The following SFMBT1 variants were observed in gnomAD, a reference collection of about 807,000 sequenced individuals.
The protein encoded by SFMBT1 is scm-like with four MBT domains protein 1.
SFMBT1 carries 32 observed loss-of-function variants against 108.7 expected under a neutral mutation model. That is an observed-to-expected ratio of 0.29 (90% CI 0.22 to 0.40). The LOEUF is 0.40. Among genes scored for constraint, SFMBT1 ranks in the 10% least tolerant of loss-of-function variants. The pLI is 1.00. For synonymous variants in SFMBT1, 348 were observed against 369.5 expected, an observed-to-expected ratio of 0.94 and a Z score of 0.67; for missense variants, 816 against 1,059.6, an observed-to-expected ratio of 0.77 and a Z score of 3.19.
chr3:52,907,730 T>G lies in SFMBT1; in HGVS notation c.1910A>C (p.His637Pro). The G allele has an allele frequency of 1.3e-6, 2 of 1,587,878 alleles. No homozygotes were observed. The highest frequency in any genetic ancestry group is 1.7e-6 in the Non-Finnish European group (2 of 1,170,880). ...TTTATTTTTCTTCTTTCCGTAATAGTGTGCTAAATGTGGATGACAAAGAAA... is the reference window on the plus strand; with the variant it reads ...TTTATTTTTCTTCTTTCCGTAATAGGGTGCTAAATGTGGATGACAAAGAAA... Reference protein sequence around the residue: ...CSVLTKTKYTHYYGKKKNKRI... With the variant: ...CSVLTKTKYTPYYGKKKNKRI... The change falls in exon 18 of 21, where the codon CAC (histidine) becomes CCC (proline). Residue 637 changes from histidine to proline, a missense_variant. Transcript: ENST00000394752.
chr3:52,976,036 G>T (rs1042042831), intron 1 of SFMBT1, among the ~76,000 whole-genome samples: 12 of 152,110 alleles, frequency 7.9e-5, no homozygotes, highest in African/African-American at 2.9e-4. Flanking sequence ...AAAATGAAAT[G>T]CATCTAAAAG....
At chr3:52,955,368 G>A (rs565935838) in intron 2 of SFMBT1, among the ~76,000 whole-genome samples, 2 of 152,036 alleles carry the variant, frequency 1.3e-5, no homozygotes, top group South Asian at 2.1e-4. Context: ...AGCCGAGATC[G>A]TGCCAGTGCA....
intron 1 of SFMBT1, among the ~76,000 whole-genome samples, chr3:52,989,137 T>C (rs1436270206): frequency 6.6e-6 from 1 of 152,196 alleles, no homozygotes; most frequent in African/African-American, 2.4e-5. Flanking sequence ...ATTTGGTTTC[T>C]TTCCTACCAC....
intron 8 of SFMBT1, chr3:52,928,545 TAAC>T (rs57453382): frequency 0.68 from 251,965 of 368,042 alleles, 90,152 homozygotes; most frequent in Non-Finnish European, 0.75. Flanking sequence ...GTTTTAATCT[TAAC>T]AACTGAATGA....
intron 8 of SFMBT1, 162 bp from the exon 9 acceptor site, chr3:52,928,503 T>C: frequency 1.5e-6 from 1 of 674,392 alleles, no homozygotes; most frequent in Non-Finnish European, 2.3e-6. Flanking sequence ...ATAATTACTG[T>C]TTTAATTAAA....
intron 1 of SFMBT1, among the ~76,000 whole-genome samples, chr3:52,979,053 G>C (rs191663272): frequency 6.6e-6 from 1 of 152,036 alleles, no homozygotes; most frequent in African/African-American, 2.4e-5. Context: ...ACTATTCTGT[G>C]AATAAAAAAA....
intron 1 of SFMBT1, among the ~76,000 whole-genome samples, chr3:52,982,824 T>C (rs1205834808): frequency 1.4e-5 from 2 of 147,994 alleles, no homozygotes; most frequent in Non-Finnish European, 3.0e-5. Context: ...GACGACTTGA[T>C]GGAGATGAAT....
Position 52,943,532 on chromosome 3 carries a change from G to A in SFMBT1, c.185C>T (p.Thr62Ile). 6.2e-7 allele frequency: 1 copy of A among 1,614,188 alleles called. No homozygotes were observed. Among genetic ancestry groups the A allele is most frequent in the South Asian group, 1.1e-5 (1 of 91,078 alleles). ...PGMKLEVAVR[T>I]DPETYWVATV... is the part of the protein sequence containing the mutation. Reference sequence around the variant, plus strand: ...GGCAACCCAGTAGGTCTCAGGATCTGTTCTCACAGCCACCTCCAGCTTCAT... The same window carrying A: ...GGCAACCCAGTAGGTCTCAGGATCTATTCTCACAGCCACCTCCAGCTTCAT... Residue 62 changes from threonine to isoleucine, a missense_variant, in exon 4 of 21, where the codon ACA (threonine) becomes ATA (isoleucine). Thr to Ile is a moderately conservative substitution (Grantham distance 89). Around this residue, in one of 5 missense-constraint regions of SFMBT1, gnomAD observed 495 missense variants for 607.4 expected, o/e 0.81. Transcript: ENST00000394752.
intron 3 of SFMBT1, 114 bp from the exon 4 acceptor site, chr3:52,943,707 A>AGGCTTTCCTTGAGATGTT: frequency 7.4e-7 from 1 of 1,347,344 alleles, no homozygotes; most frequent in Non-Finnish European, 1.0e-6. Flanking sequence ...ATAACATCTC[A>AGGCTTTCCTTGAGATGTT]AGGAAAGCCT....
At chr3:53,015,055 C>T (rs1221513022) in intron 1 of SFMBT1, among the ~76,000 whole-genome samples, 2 of 152,116 alleles carry the variant, frequency 1.3e-5, no homozygotes, top group East Asian at 1.9e-4. Context: ...CTCGTCTCTA[C>T]AAAACTTAGC....
chr3:52,948,848 T>TTTTTTTTTTTTAA (rs1575395199), intron 3 of SFMBT1, among the ~76,000 whole-genome samples: 1 of 141,932 alleles, frequency 7.0e-6, no homozygotes. Flanking sequence ...TTTTTTTTTG[T>TTTTTTTTTTTTAA]AGAAAAGGTC....
At chr3:52,941,133 A>G (rs1247834448) in intron 4 of SFMBT1, among the ~76,000 whole-genome samples, 1 of 152,236 alleles carries the variant, frequency 6.6e-6, no homozygotes, top group East Asian at 1.9e-4. Flanking sequence ...CATAATGAAC[A>G]TTATTGGGAC....
intron 1 of SFMBT1, among the ~76,000 whole-genome samples, chr3:52,990,207 T>C (rs922553931): frequency 6.6e-6 from 1 of 152,172 alleles, no homozygotes; most frequent in Non-Finnish European, 1.5e-5. Flanking sequence ...CCCGAAGTCA[T>C]TAAAAGGTTT....
intron 12 of SFMBT1, among the ~76,000 whole-genome samples, chr3:52,920,031 T>C (rs1329746205): frequency 6.6e-6 from 1 of 152,226 alleles, no homozygotes; most frequent in Middle Eastern, 3.2e-3. Context: ...CCTTCTACCA[T>C]GTGAGGACAC....
Position 53,004,837 on chromosome 3 carries a change from C to T in SFMBT1, c.-130-35579G>A, listed in dbSNP as rs532182493. Among the ~76,000 whole-genome samples the T allele has an allele frequency of 1.4e-4, 19 of 132,564 alleles. 2 individuals carry two copies. In the South Asian group the frequency reaches 1.6e-3, roughly 11 times the overall value. The allele number at this position is 132,564 out of a possible 152,430, so 87.0% of individuals were successfully genotyped here. A position where few individuals can be genotyped will look rare whatever the true frequency, so the allele number is the denominator to read the frequency against. ...AAGCTGAAGCAGCCATCCCTGGAAC[C>T]GGAAAGAATGAGAAGGGAACACAAC... On this transcript the variant is annotated intron_variant, in intron 1 of 20. Transcript: ENST00000394752.
chr3:52,945,922 A>C (rs1170754405), intron 3 of SFMBT1, among the ~76,000 whole-genome samples: 3 of 152,328 alleles, frequency 2.0e-5, no homozygotes, highest in Middle Eastern at 6.8e-3. Context: ...AGGTTCTCCC[A>C]GTAAGATTCT....
chr3:52,907,688 G>A lies in SFMBT1; in HGVS notation c.1952C>T (p.Pro651Leu), dbSNP rs759010457. Residue 651 changes from proline to leucine, a missense_variant, in exon 18 of 21, where the codon CCT becomes CTT. Physicochemically the swap from Pro to Leu is moderately conservative, Grantham distance 98 (BLOSUM62 -3). Around this residue, in one of 5 missense-constraint regions of SFMBT1, gnomAD observed 177 missense variants for 182.0 expected, o/e 0.97. Transcript: ENST00000394752. ...ACAAGCTAAGTTACTATGCCCACCA[G>A]GTGGCCTCCCAATTCTTTTATTTTT... ...KKKNKRIGRP[P>L]GGHSNLACAL... 1.9e-6 allele frequency: 3 copies of A among 1,613,390 alleles called. No homozygotes were observed. In the South Asian group the frequency reaches 3.3e-5, roughly 18 times the overall value.
At chr3:52,906,379 G>A (rs985187875) in intron 19 of SFMBT1, 138 bp from the exon 20 acceptor site, 2 of 1,266,114 alleles carry the variant, frequency 1.6e-6, no homozygotes, top group East Asian at 4.7e-5. Flanking sequence ...AGCAAAGATG[G>A]CAAAGACCCA....
At chr3:52,951,418 CTT>C (rs1169590358) in intron 3 of SFMBT1, among the ~76,000 whole-genome samples, 10 of 141,534 alleles carry the variant, frequency 7.1e-5, no homozygotes, top group Admixed American at 7.1e-5. Flanking sequence ...AAAAGAAATT[CTT>C]TTTTTTTTTT....
Sources: gnomAD v4.1 joint callset for allele counts (sites outside exome capture counted in the v4.1 genomes callset) on GRCh38, gnomAD v4.1.1 for gene constraint, gnomAD v4.1.1 regional missense constraint, MANE v1.5 for transcripts, NCBI Gene and HGNC (gene_info 2026-07-23, HGNC 2026-07-21) for gene names.